Variants in SOX5 observed in about 807,000 individuals in gnomAD.
SOX5 encodes the protein transcription factor SOX-5.
In SOX5, 9 loss-of-function variants were observed where a neutral mutation model predicts 92.0. The observed-to-expected ratio is 0.10, with a 90% confidence interval of 0.06 to 0.17. The LOEUF (loss-of-function observed/expected upper bound fraction) is 0.17, where lower values mean the gene tolerates loss of function less well. Ranked by LOEUF, SOX5 falls within the 10% of genes least tolerant of loss-of-function variation. The probability of loss-of-function intolerance (pLI) is 1.00; values close to 1 mark genes in which losing one functional copy is unlikely to be tolerated. For synonymous variants in SOX5, 344 were observed against 336.3 expected, an observed-to-expected ratio of 1.02 and a Z score of -0.25; for missense variants, 642 against 944.5, an observed-to-expected ratio of 0.68 and a Z score of 4.20.
intron 4 of SOX5, among the ~76,000 whole-genome samples, chr12:24,014,390 A>AGAAGCCCT (rs1373467232): frequency 6.6e-6 from 1 of 152,174 alleles, no homozygotes. Flanking sequence ...ACCTGCCTAA[A>AGAAGCCCT]GAAGCCCTGA....
intron 6 of SOX5, among the ~76,000 whole-genome samples, chr12:23,692,265 T>G (rs1593331245): frequency 2.0e-5 from 3 of 151,742 alleles, no homozygotes; most frequent in African/African-American, 7.2e-5. Context: ...AGACTCCATC[T>G]CTAATAAAAA....
intron 4 of SOX5, among the ~76,000 whole-genome samples, chr12:24,016,862 C>T (rs577277089): frequency 6.6e-6 from 1 of 152,150 alleles, no homozygotes; most frequent in Admixed American, 6.5e-5. Context: ...TGTGTCTCTG[C>T]TTCTAGATTT....
At position 24,541,419 on chromosome 12, in the gene SOX5, T is replaced by C. The variant is rs3110019; in HGVS notation, c.-251+20910A>G. ...TCTAAGGTTTTATTTCTTATTAGAC[T>C]TTTTGTAGTTACAAAAGTTGTTTCA... is the stretch of plus-strand genomic sequence containing the variant. On this transcript the variant is annotated intron_variant, in intron 1 of 4. Coordinates refer to the SOX5 transcript ENST00000446891. Among the ~76,000 whole-genome samples the C allele has an allele frequency of 2.7e-3, 406 of 152,358 alleles. 3 individuals carry two copies. Among genetic ancestry groups the C allele is most frequent in the African/African-American group, 7.9e-3 (328 of 41,590 alleles).
intron 1 of SOX5, chr12:24,368,772 C>T (rs573388785): frequency 1.3e-5 from 2 of 152,322 alleles, no homozygotes; most frequent in Admixed American, 1.3e-4. Context: ...GTATATCCTA[C>T]ATTATTAAAG....
chr12:24,555,309 T>C (rs540603134), intron 1 of SOX5, among the ~76,000 whole-genome samples: 1 of 152,336 alleles, frequency 6.6e-6, no homozygotes, highest in African/African-American at 2.4e-5. Flanking sequence ...GCCAATTACC[T>C]AAAGATGGTC....
At chr12:23,683,627 C>A (rs1018532810) in intron 6 of SOX5, among the ~76,000 whole-genome samples, 2 of 151,928 alleles carry the variant, frequency 1.3e-5, no homozygotes, top group African/African-American at 2.4e-5. Flanking sequence ...AAATGGTTCA[C>A]CTGCAAAGAT....
At chr12:24,075,842 A>G (rs1046430265) in intron 4 of SOX5, among the ~76,000 whole-genome samples, 1 of 152,224 alleles carries the variant, frequency 6.6e-6, no homozygotes, top group African/African-American at 2.4e-5. Context: ...ACAGTAACAC[A>G]TAATGTAATG....
chr12:24,335,694 G>A (rs551220337), intron 2 of SOX5, among the ~76,000 whole-genome samples: 1 of 152,076 alleles, frequency 6.6e-6, no homozygotes, highest in South Asian at 2.1e-4. Context: ...TCTGTTTTTA[G>A]GGAAGACAGT....
intron 7 of SOX5, among the ~76,000 whole-genome samples, chr12:23,647,666 A>T (rs539221574): frequency 1.3e-5 from 2 of 152,326 alleles, no homozygotes; most frequent in South Asian, 4.1e-4. Context: ...TTGCTGTTTC[A>T]TCTTGCACTT....
intron 11 of SOX5, among the ~76,000 whole-genome samples, chr12:23,548,723 T>G (rs947905405): frequency 2.0e-5 from 3 of 151,942 alleles, no homozygotes; most frequent in African/African-American, 7.2e-5. Flanking sequence ...AAGTAAAAAA[T>G]AATTGTCCTA....
intron 4 of SOX5, among the ~76,000 whole-genome samples, chr12:24,155,709 A>C (rs1258501593): frequency 6.6e-6 from 1 of 152,192 alleles, no homozygotes; most frequent in Non-Finnish European, 1.5e-5. Flanking sequence ...GAATGAGTTC[A>C]AACCCATCTC....
intron 1 of SOX5, among the ~76,000 whole-genome samples, chr12:24,407,187 G>A (rs1963161524): frequency 6.6e-6 from 1 of 152,148 alleles, no homozygotes; most frequent in Non-Finnish European, 1.5e-5. Flanking sequence ...GTATCTAGAA[G>A]AAACTAAGAG....
intron 4 of SOX5, among the ~76,000 whole-genome samples, chr12:24,104,702 G>A (rs1946476846): frequency 1.3e-5 from 2 of 152,316 alleles, no homozygotes; most frequent in Admixed American, 1.3e-4. Flanking sequence ...CCCAGCAACA[G>A]AAACAGTCCC....
intron 4 of SOX5, among the ~76,000 whole-genome samples, chr12:23,980,848 C>A (rs994823584): frequency 6.6e-6 from 1 of 152,170 alleles, no homozygotes; most frequent in Non-Finnish European, 1.5e-5. Flanking sequence ...CATGGTCAAG[C>A]TCTGGCAGCA....
At chr12:24,263,388 C>T (rs1004949157) in intron 3 of SOX5, among the ~76,000 whole-genome samples, 1 of 151,382 alleles carries the variant, frequency 6.6e-6, no homozygotes, top group Non-Finnish European at 1.5e-5. Context: ...ATTAGCCGGG[C>T]GTGGTGGCGG....
intron 3 of SOX5, among the ~76,000 whole-genome samples, chr12:23,815,539 T>C (rs2095973981): frequency 6.6e-6 from 1 of 152,218 alleles, no homozygotes; most frequent in Admixed American, 6.5e-5. Flanking sequence ...AAAACATTGA[T>C]AGCTCTAGAA....
chr12:23,999,005 A>G (rs573882459), intron 4 of SOX5, among the ~76,000 whole-genome samples: 4 of 152,232 alleles, frequency 2.6e-5, no homozygotes, highest in South Asian at 2.1e-4. Flanking sequence ...GATAATTTTA[A>G]AAGCACCAAG....
At chr12:24,036,212 T>TA (rs1956021184) in intron 4 of SOX5, among the ~76,000 whole-genome samples, 1 of 152,098 alleles carries the variant, frequency 6.6e-6, no homozygotes, top group East Asian at 1.9e-4. Flanking sequence ...TTCTTTATAT[T>TA]TATGAATAGG....
At chr12:24,525,793 T>G (rs1316539065) in intron 1 of SOX5, among the ~76,000 whole-genome samples, 2 of 151,278 alleles carry the variant, frequency 1.3e-5, no homozygotes, top group Non-Finnish European at 2.9e-5. Context: ...AGGCAGAGCT[T>G]GCAGTGAGCC....
Sources: allele counts gnomAD v4.1 joint callset (sites outside exome capture counted in the v4.1 genomes callset), GRCh38; gene constraint gnomAD v4.1.1; transcripts MANE v1.5; gene names NCBI Gene and HGNC (gene_info 2026-07-23, HGNC 2026-07-21).